The following PRKACB variants were observed in gnomAD, a reference collection of about 807,000 sequenced individuals.
PRKACB encodes cAMP-dependent protein kinase catalytic subunit beta.
In PRKACB, 16 loss-of-function variants were observed where a neutral mutation model predicts 51.4. That is an observed-to-expected ratio of 0.31 (90% CI 0.21 to 0.47). The LOEUF is 0.47. PRKACB is among the 20% of genes least tolerant of loss of function. The pLI is 1.00. For synonymous variants in PRKACB, 147 were observed against 154.4 expected (o/e 0.95, Z 0.35); for missense variants, 309 against 464.5 (o/e 0.67, Z 3.08).
At chr1:84,079,540 A>G (rs1210901258) in intron 1 of PRKACB, among the ~76,000 whole-genome samples, 1 of 152,208 alleles carries the variant, frequency 6.6e-6, no homozygotes, top group Non-Finnish European at 1.5e-5. Context: ...ATGTTTCATC[A>G]GTAAGGTTTT....
exon 1 of PRKACB, chr1:84,078,285 CCCCTT>C (rs757168702): frequency 1.9e-6 from 3 of 1,579,012 alleles, no homozygotes; most frequent in Non-Finnish European, 2.6e-6. Flanking sequence ...GGCCCCAGCC[CCCCTT>C]CCCTTCCCTG....
At chr1:84,101,636 A>T (rs1367023754) in intron 1 of PRKACB, among the ~76,000 whole-genome samples, 1 of 152,230 alleles carries the variant, frequency 6.6e-6, no homozygotes, top group Non-Finnish European at 1.5e-5. Flanking sequence ...AGGCATATAT[A>T]ACCTTTAAAG....
At chr1:84,105,087 A>G (rs775979952) in intron 1 of PRKACB, among the ~76,000 whole-genome samples, 22 of 152,214 alleles carry the variant, frequency 1.4e-4, no homozygotes, top group Non-Finnish European at 2.2e-4. Flanking sequence ...AGCACAGCTG[A>G]CTGAAAATTT....
chr1:84,110,778 G>T (rs2792974), intron 1 of PRKACB, among the ~76,000 whole-genome samples: 1 of 151,658 alleles, frequency 6.6e-6, no homozygotes, highest in Non-Finnish European at 1.5e-5. Flanking sequence ...TGTAATTTTT[G>T]CTGGATATGA....
rs576130991 is a variant in PRKACB at position 84,209,279 on chromosome 1, A to G, written c.907-4874A>G. Among the ~76,000 whole-genome samples, 4 of 152,236 alleles carry G rather than the reference A, an allele frequency of 2.6e-5. No individual in the cohort carries two copies. The South Asian group carries it at 8.3e-4, about 32-fold the overall frequency. On this transcript the variant is annotated intron_variant, in intron 8 of 9. Transcript: ENST00000370685. ...TGATTCCCAAATTCCATACTCTTGTATCTAGTTTCTAACTTGAAATCTTCA... is the reference window on the plus strand; with the variant it reads ...TGATTCCCAAATTCCATACTCTTGTGTCTAGTTTCTAACTTGAAATCTTCA...
intron 1 of PRKACB, chr1:84,157,204 A>G (rs1333068034): frequency 6.6e-6 from 1 of 152,124 alleles, no homozygotes; most frequent in Non-Finnish European, 1.5e-5. Context: ...TGTTTACCAC[A>G]GAGTATTGAG....
intron 1 of PRKACB, among the ~76,000 whole-genome samples, chr1:84,093,989 A>G (rs1648725217): frequency 6.6e-6 from 1 of 151,960 alleles, no homozygotes; most frequent in Non-Finnish European, 1.5e-5. Flanking sequence ...TATTAACTGT[A>G]AGTTATTTAT....
At chr1:84,086,177 G>T in intron 1 of PRKACB, 4 of 1,599,044 alleles carry the variant, frequency 2.5e-6, no homozygotes, top group Non-Finnish European at 3.4e-6. Flanking sequence ...GGACAAGTTT[G>T]TGGGCATCAA....
At chr1:84,081,013 C>G (rs1647489753) in intron 1 of PRKACB, among the ~76,000 whole-genome samples, 1 of 152,004 alleles carries the variant, frequency 6.6e-6, no homozygotes, top group Non-Finnish European at 1.5e-5. Context: ...ACCTGAAAGG[C>G]AAAAATACAA....
chr1:84,210,841 C>T (rs910364130), intron 8 of PRKACB, among the ~76,000 whole-genome samples: 17 of 152,062 alleles, frequency 1.1e-4, no homozygotes, highest in African/African-American at 4.1e-4. Flanking sequence ...ATCAACATGA[C>T]TCTTTGAAAA....
At chr1:84,193,016 A>T (rs1427083961) in intron 5 of PRKACB, among the ~76,000 whole-genome samples, 1 of 152,152 alleles carries the variant, frequency 6.6e-6, no homozygotes, top group Non-Finnish European at 1.5e-5. Context: ...CCTTCTCCAA[A>T]TGAAGGGGAA....
chr1:84,206,938 CAT>C, intron 8 of PRKACB, among the ~76,000 whole-genome samples: 1 of 152,316 alleles, frequency 6.6e-6, no homozygotes, highest in South Asian at 2.1e-4. Flanking sequence ...ATAACATACA[CAT>C]ATGCAGATAT....
At chr1:84,214,869 C>G (rs1476507476) in intron 9 of PRKACB, among the ~76,000 whole-genome samples, 1 of 152,118 alleles carries the variant, frequency 6.6e-6, no homozygotes, top group Non-Finnish European at 1.5e-5. Context: ...TAAATTTTTC[C>G]TATCTATGCT....
rs1225233203 is a variant in PRKACB, at chr1:84,235,378, C to T, written c.*73C>T. 17 of 1,583,046 alleles carry T rather than the reference C, an allele frequency of 1.1e-5. No individual in the cohort carries two copies. Among genetic ancestry groups the T allele is most frequent in the East Asian group, 4.5e-5 (2 of 44,586 alleles). ...TTGAGAGATAAGGTAGAGCTGAGAC[C>T]GTCCTTGTTGAAGCAGTTACCTAGT... On this transcript the variant is annotated 3_prime_UTR_variant, in exon 10 of 10. Coordinates refer to ENST00000370685, the MANE Select transcript of PRKACB (RefSeq NM_182948.4).
rs1403593808 is a variant in PRKACB, at chr1:84,175,857, C to G, written c.188-3320C>G. The G allele has an allele frequency of 2.3e-6, 3 of 1,329,338 alleles. No homozygotes were observed. In the African/African-American group the frequency reaches 4.5e-5, roughly 20 times the overall value. 82.3% of individuals were successfully genotyped at this position (1,329,338 alleles called of 1,614,324 possible). A position where few individuals can be genotyped will look rare whatever the true frequency, so the allele number is the denominator to read the frequency against. On this transcript the variant is annotated intron_variant, in intron 1 of 9. Coordinates refer to ENST00000370685, the MANE Select transcript of PRKACB (RefSeq NM_182948.4). ...AATGTGATAGACTATTTAAATCATACAAACAGAAAAAATATATAATTGAAA... is the reference window on the plus strand; with the variant it reads ...AATGTGATAGACTATTTAAATCATAGAAACAGAAAAAATATATAATTGAAA...
At chr1:84,081,741 A>G (rs896835348) in intron 1 of PRKACB, among the ~76,000 whole-genome samples, 7 of 152,178 alleles carry the variant, frequency 4.6e-5, no homozygotes, top group Admixed American at 3.9e-4. Flanking sequence ...AAAAAATACT[A>G]TACCTCCAGG....
chr1:84,122,853 A>G (rs1035767348), intron 1 of PRKACB, among the ~76,000 whole-genome samples: 3 of 152,178 alleles, frequency 2.0e-5, no homozygotes, highest in Non-Finnish European at 4.4e-5. Context: ...ATGTTATTGC[A>G]TATTTCTGGT....
chr1:84,226,622 T>A (rs765405276), intron 9 of PRKACB, among the ~76,000 whole-genome samples: 2 of 152,188 alleles, frequency 1.3e-5, no homozygotes, highest in Non-Finnish European at 2.9e-5. Context: ...TTTCAGTGAT[T>A]CCTTTGGATT....
chr1:84,089,105 A>G (rs568697050), intron 1 of PRKACB, among the ~76,000 whole-genome samples: 3 of 152,210 alleles, frequency 2.0e-5, no homozygotes, highest in Non-Finnish European at 2.9e-5. Flanking sequence ...AGCAGTGTCT[A>G]TGTTGTTTAG....
Sources: allele counts gnomAD v4.1 joint callset (sites outside exome capture counted in the v4.1 genomes callset), GRCh38; gene constraint gnomAD v4.1.1; transcripts MANE v1.5; gene names NCBI Gene and HGNC (gene_info 2026-07-23, HGNC 2026-07-21).